SEC23B: variants seen among roughly 807,000 people sequenced by gnomAD.
The protein encoded by SEC23B is protein transport protein Sec23B.
Under a neutral mutation model 104.3 loss-of-function variants are expected in SEC23B, and 77 were observed. That is an observed-to-expected ratio of 0.74 (90% CI 0.61 to 0.89). The LOEUF is 0.89. Among genes scored for constraint, SEC23B ranks in the 40% least tolerant of loss-of-function variants. The pLI is 0.00. For synonymous variants in SEC23B, 338 were observed against 332.5 expected (o/e 1.02, Z -0.18); for missense variants, 885 against 949.4 (o/e 0.93, Z 0.89).
chr20:18,542,646 T>C (rs1026208276), intron 13 of SEC23B, among the ~76,000 whole-genome samples: 5 of 152,148 alleles, frequency 3.3e-5, no homozygotes, highest in African/African-American at 1.2e-4. Flanking sequence ...TTATTATTAT[T>C]ATCATCTGGA....
chr20:18,543,767 CTT>C (rs1157535612), intron 14 of SEC23B, among the ~76,000 whole-genome samples: 1 of 152,174 alleles, frequency 6.6e-6, no homozygotes, highest in Non-Finnish European at 1.5e-5. Context: ...CTTGGTGAGT[CTT>C]TTGCAGAGAA....
At chr20:18,557,745 C>CTTTTTTTTTTTTTTT (rs11477198) in intron 19 of SEC23B, among the ~76,000 whole-genome samples, 47 of 116,818 alleles carry the variant, frequency 4.0e-4, no homozygotes, top group Non-Finnish European at 6.2e-4. Flanking sequence ...TTTTTCTTTT[C>CTTTTTTTTTTTTTTT]TTTTTTTTTT....
At chr20:18,538,276 G>T (rs1286665577) in intron 12 of SEC23B, among the ~76,000 whole-genome samples, 1 of 145,470 alleles carries the variant, frequency 6.9e-6, no homozygotes, top group Admixed American at 6.9e-5. Context: ...TTGAGACGGG[G>T]TCTCGCTCTG....
chr20:18,516,544 T>C (rs6112004), intron 4 of SEC23B, among the ~76,000 whole-genome samples: 3 of 143,214 alleles, frequency 2.1e-5, no homozygotes, highest in Non-Finnish European at 4.6e-5. Context: ...CTTTTTTTTT[T>C]CTTTTTCTTT....
At chr20:18,558,865 T>G (rs1410159648) in intron 19 of SEC23B, among the ~76,000 whole-genome samples, 1 of 152,226 alleles carries the variant, frequency 6.6e-6, no homozygotes, top group African/African-American at 2.4e-5. Context: ...TTTAAAATCT[T>G]TGTCAGGTGA....
intron 15 of SEC23B, among the ~76,000 whole-genome samples, chr20:18,546,896 G>C (rs1017987843): frequency 1.6e-4 from 22 of 134,768 alleles, no homozygotes; most frequent in African/African-American, 5.9e-4. Context: ...TGGTGAAGTG[G>C]TTTGCAGTTT....
chr20:18,516,712 C>T (rs947086500), intron 4 of SEC23B, among the ~76,000 whole-genome samples: 7 of 151,772 alleles, frequency 4.6e-5, no homozygotes, highest in Admixed American at 2.6e-4. Context: ...CCACCACGCC[C>T]GGCTAATTTT....
chr20:18,511,407 A>G lies in SEC23B; in HGVS notation c.221+351A>G, dbSNP rs151263780. Among the ~76,000 whole-genome samples the G allele has an allele frequency of 0.02, 3,009 of 152,266 alleles. 59 individuals are homozygous for G. Among genetic ancestry groups the G allele is most frequent in the Middle Eastern group, 0.027 (8 of 294 alleles). ...ATTTCCCAGAAGAATTCGAAAGCTT[A>G]GACCGTCTTCTCATGCTTCCCGGGT... On this transcript the variant is annotated intron_variant, in intron 2 of 19. Transcript: ENST00000650089.
chr20:18,560,083 G>A (rs534600113), intron 19 of SEC23B, among the ~76,000 whole-genome samples: 5 of 133,542 alleles, frequency 3.7e-5, no homozygotes, highest in African/African-American at 1.2e-4. Flanking sequence ...TTTTTTCTAC[G>A]TAAAGTGTAT....
chr20:18,529,536 T>C (rs183906671), intron 9 of SEC23B, among the ~76,000 whole-genome samples: 72 of 152,334 alleles, frequency 4.7e-4, no homozygotes, highest in Non-Finnish European at 9.0e-4. Context: ...TCGTCATCAT[T>C]ACGGGCTGAG....
chr20:18,546,876 G>A (rs1220122486), intron 15 of SEC23B, among the ~76,000 whole-genome samples: 1 of 151,560 alleles, frequency 6.6e-6, no homozygotes, highest in Non-Finnish European at 1.5e-5. Flanking sequence ...CTAGCAGTGG[G>A]GAGTTGGTCT....
chr20:18,530,561 T>C (rs1254282527), intron 9 of SEC23B, 119 bp from the exon 10 acceptor site: 3 of 1,150,292 alleles, frequency 2.6e-6, no homozygotes, highest in South Asian at 1.4e-5. Flanking sequence ...AATTAATCAG[T>C]GGCTCTTTTG....
chr20:18,510,791 A>C, intron 1 of SEC23B, 31 bp from the exon 2 acceptor site: 1 of 1,493,396 alleles, frequency 6.7e-7, no homozygotes, highest in East Asian at 2.3e-5. Context: ...AATTTCACAT[A>C]CCATTAAGGT....
chr20:18,520,570 A>G (rs368691640), intron 4 of SEC23B, among the ~76,000 whole-genome samples: 28 of 152,118 alleles, frequency 1.8e-4, no homozygotes, highest in Non-Finnish European at 2.9e-4. Context: ...GTCTCGACCT[A>G]ATAAGGGAGC....
chr20:18,545,821 C>A, intron 14 of SEC23B, 135 bp from the exon 15 acceptor site: 1 of 714,302 alleles, frequency 1.4e-6, no homozygotes, highest in Non-Finnish European at 2.6e-6. Context: ...AAGTGCTAGT[C>A]TAGGACTTAT....
At chr20:18,536,794 A>T (rs1335415735) in intron 12 of SEC23B, among the ~76,000 whole-genome samples, 1 of 152,220 alleles carries the variant, frequency 6.6e-6, no homozygotes, top group Non-Finnish European at 1.5e-5. Context: ...TGATTAACAC[A>T]TATTTTGTAA....
chr20:18,536,286 T>A (rs376809669), intron 12 of SEC23B, among the ~76,000 whole-genome samples: 1 of 152,240 alleles, frequency 6.6e-6, no homozygotes, highest in East Asian at 1.9e-4. Context: ...TATAGTATGT[T>A]AAGTGTTAAA....
At chr20:18,518,709 G>A (rs2060056685) in intron 4 of SEC23B, among the ~76,000 whole-genome samples, 1 of 150,998 alleles carries the variant, frequency 6.6e-6, no homozygotes, top group Non-Finnish European at 1.5e-5. Flanking sequence ...CTGGCCATGA[G>A]GGACAGAAGT....
chr20:18,556,817 G>A (rs1324276886), intron 19 of SEC23B, among the ~76,000 whole-genome samples: 1 of 152,136 alleles, frequency 6.6e-6, no homozygotes, highest in African/African-American at 2.4e-5. Context: ...CCAACACGGT[G>A]AAACCCCCGT....
Sources: allele counts gnomAD v4.1 joint callset (sites outside exome capture counted in the v4.1 genomes callset), GRCh38; gene constraint gnomAD v4.1.1; transcripts MANE v1.5; gene names NCBI Gene and HGNC (gene_info 2026-07-23, HGNC 2026-07-21).